Variants in FRMD5 observed in about 807,000 individuals in gnomAD.
FRMD5 encodes FERM domain containing 5, also known as FERM domain-containing protein 5.
A neutral mutation model predicts 69.0 loss-of-function variants in FRMD5; 20 were observed. That is an observed-to-expected ratio of 0.29 (90% CI 0.20 to 0.42). FRMD5 has a LOEUF of 0.42. Ranked by LOEUF, FRMD5 falls within the 10% of genes least tolerant of loss-of-function variation. FRMD5 has a pLI of 1.00. For missense variants in FRMD5, 595 were observed against 708.6 expected, an observed-to-expected ratio of 0.84 and a Z score of 1.82; for synonymous variants, 271 against 260.1, an observed-to-expected ratio of 1.04 and a Z score of -0.40.
chr15:43,933,496 G>C (rs960149641), intron 1 of FRMD5, among the ~76,000 whole-genome samples: 1 of 152,190 alleles, frequency 6.6e-6, no homozygotes, highest in South Asian at 2.1e-4. Flanking sequence ...TGATGCTGCT[G>C]TTGCTGGTCT....
At chr15:43,885,859 A>G (rs1378498636) in intron 10 of FRMD5, 104 bp from the exon 11 acceptor site, 7 of 879,098 alleles carry the variant, frequency 8.0e-6, no homozygotes, top group Admixed American at 5.5e-5. Flanking sequence ...AAACTTCAGG[A>G]AAAAAGCCCT....
chr15:44,188,334 A>G lies in FRMD5; in HGVS notation c.102+6619T>C, dbSNP rs535483559. Among the ~76,000 whole-genome samples the G allele has an allele frequency of 6.8e-4, 103 of 152,290 alleles. 1 individual carries two copies. In the South Asian group the frequency reaches 0.021, roughly 30 times the overall value. ...GCAAGGGAAGAGAATCTATTAAGAC[A>G]ATTCAGGAATAAATCAAAAGTTAGA... On this transcript the variant is annotated intron_variant, in intron 1 of 13. Coordinates refer to ENST00000417257, the MANE Select transcript of FRMD5 (RefSeq NM_032892.5).
chr15:44,041,891 A>C (rs1371666525), intron 1 of FRMD5, among the ~76,000 whole-genome samples: 1 of 152,182 alleles, frequency 6.6e-6, no homozygotes, highest in Non-Finnish European at 1.5e-5. Flanking sequence ...AAGAGCAAAC[A>C]AATTCAAAAG....
chr15:43,905,864 T>C lies in FRMD5; in HGVS notation c.515A>G (p.Glu172Gly). 1.9e-6 allele frequency: 3 copies of C among 1,614,230 alleles called. No homozygotes were observed. Among genetic ancestry groups the C allele is most frequent in the Non-Finnish European group, 2.5e-6 (3 of 1,180,036 alleles). ...CTTGTGAATCTCAGCAATTTTCCTTTCCAGCTTCTCTGAATGTTTAGGGAA... is the reference window on the plus strand; with the variant it reads ...CTTGTGAATCTCAGCAATTTTCCTTCCCAGCTTCTCTGAATGTTTAGGGAA... ...QFFPKHSEKLERKIAEIHKTE... is the reference protein window; with the variant it reads ...QFFPKHSEKLGRKIAEIHKTE... Residue 172 changes from glutamate (E) to glycine (G), a missense_variant, in exon 6 of 14, where the codon GAA (glutamate) becomes GGA (glycine). Around this residue, in one of 5 missense-constraint regions of FRMD5, gnomAD observed 51 missense variants for 41.7 expected, o/e 1.22. Coordinates refer to ENST00000417257, the MANE Select transcript of FRMD5 (RefSeq NM_032892.5).
At chr15:43,887,304 T>A (rs1374146913) in intron 10 of FRMD5, among the ~76,000 whole-genome samples, 1 of 152,166 alleles carries the variant, frequency 6.6e-6, no homozygotes, top group African/African-American at 2.4e-5. Flanking sequence ...GGAGCTTGCA[T>A]CTCAAGTTGC....
At chr15:43,962,587 C>G (rs1472857523) in intron 1 of FRMD5, among the ~76,000 whole-genome samples, 3 of 152,118 alleles carry the variant, frequency 2.0e-5, no homozygotes. Context: ...AAACAGAGCC[C>G]GCATTGCCAA....
chr15:44,167,374 A>G (rs2077727796), intron 1 of FRMD5, among the ~76,000 whole-genome samples: 1 of 151,906 alleles, frequency 6.6e-6, no homozygotes, highest in Non-Finnish European at 1.5e-5. Flanking sequence ...CCTGTCTCAA[A>G]AAAAAAAAGT....
chr15:44,062,177 C>T (rs898632729), intron 1 of FRMD5, among the ~76,000 whole-genome samples: 2 of 152,008 alleles, frequency 1.3e-5, no homozygotes, highest in African/African-American at 2.4e-5. Context: ...TGTGGTGATG[C>T]CTTTTTACTT....
At chr15:44,020,120 T>G (rs964036254) in intron 1 of FRMD5, among the ~76,000 whole-genome samples, 1 of 152,198 alleles carries the variant, frequency 6.6e-6, no homozygotes. Context: ...GTATATGGTA[T>G]GATATCATAT....
At chr15:44,015,631 C>A (rs1890922813) in intron 1 of FRMD5, among the ~76,000 whole-genome samples, 1 of 152,012 alleles carries the variant, frequency 6.6e-6, no homozygotes, top group Non-Finnish European at 1.5e-5. Flanking sequence ...AACAAATGTC[C>A]TTTGGACCCT....
intron 1 of FRMD5, among the ~76,000 whole-genome samples, chr15:44,190,625 C>T (rs1256013014): frequency 6.6e-6 from 1 of 152,156 alleles, no homozygotes; most frequent in Non-Finnish European, 1.5e-5. Context: ...TCAAAGACCT[C>T]ATAAATACCA....
chr15:43,999,923 GTA>G (rs57166959), intron 1 of FRMD5, among the ~76,000 whole-genome samples: 1,933 of 57,752 alleles, frequency 0.033, 240 homozygotes, highest in African/African-American at 0.064. Context: ...GTGTGTGTAT[GTA>G]TATATATATA....
intron 7 of FRMD5, chr15:43,901,835 G>A: frequency 3.7e-6 from 1 of 272,524 alleles, no homozygotes; most frequent in South Asian, 5.2e-5. Context: ...TCAGGAAAGG[G>A]TGGGCAGGCA....
intron 1 of FRMD5, among the ~76,000 whole-genome samples, chr15:44,191,732 G>A (rs1213611024): frequency 6.6e-6 from 1 of 151,470 alleles, no homozygotes; most frequent in African/African-American, 2.4e-5. Flanking sequence ...AACATAGCAA[G>A]ATCCCGTTTC....
intron 1 of FRMD5, among the ~76,000 whole-genome samples, chr15:43,963,216 A>G (rs1490591471): frequency 2.0e-5 from 3 of 152,244 alleles, no homozygotes; most frequent in Non-Finnish European, 4.4e-5. Context: ...ACAAGAATAA[A>G]ACAAACAACC....
chr15:43,990,471 A>G (rs968539959), intron 1 of FRMD5, among the ~76,000 whole-genome samples: 14 of 152,140 alleles, frequency 9.2e-5, no homozygotes, highest in African/African-American at 3.4e-4. Context: ...TCATTTCTCT[A>G]TACATTTATA....
At chr15:43,992,761 AG>A in intron 1 of FRMD5, among the ~76,000 whole-genome samples, 1 of 152,294 alleles carries the variant, frequency 6.6e-6, no homozygotes. Context: ...CCCAGGCTGG[AG>A]TACAATGGCA....
chr15:44,174,757 G>A (rs539278145), intron 1 of FRMD5, among the ~76,000 whole-genome samples: 13 of 152,250 alleles, frequency 8.5e-5, no homozygotes, highest in African/African-American at 2.9e-4. Flanking sequence ...AGAATAAAGA[G>A]CCCTATTGTA....
chr15:43,941,140 G>A (rs1168153070), intron 1 of FRMD5, among the ~76,000 whole-genome samples: 1 of 152,216 alleles, frequency 6.6e-6, no homozygotes, highest in African/African-American at 2.4e-5. Context: ...AGGCCAAGAA[G>A]CGGATTGCTT....
Sources: allele counts gnomAD v4.1 joint callset (sites outside exome capture counted in the v4.1 genomes callset), GRCh38; gene constraint gnomAD v4.1.1; regional missense constraint gnomAD v4.1.1; transcripts MANE v1.5; gene names NCBI Gene and HGNC (gene_info 2026-07-23, HGNC 2026-07-21).